Variants in LRBA observed in about 807,000 individuals in gnomAD.
LRBA encodes LPS responsive beige-like anchor protein.
Under a neutral mutation model 330.0 loss-of-function variants are expected in LRBA, and 176 were observed. The ratio of observed to expected loss-of-function variants is 0.53; its 90% CI spans 0.47 to 0.60. LRBA has a LOEUF of 0.60. Among genes scored for constraint, LRBA ranks in the 20% least tolerant of loss-of-function variants. The pLI, the probability that LRBA is intolerant of heterozygous loss-of-function variation, is 0.00. For missense variants in LRBA, 3,259 were observed against 3,444.8 expected (o/e 0.95, Z 1.35); for synonymous variants, 1,230 against 1,193.0 (o/e 1.03, Z -0.64).
chr4:150,985,593 G>A (rs890491337), intron 2 of LRBA, among the ~76,000 whole-genome samples: 2 of 151,552 alleles, frequency 1.3e-5, no homozygotes, highest in Admixed American at 6.6e-5. Flanking sequence ...CCGCCTCCCG[G>A]GTTCACGCCG....
chr4:150,564,731 C>T (rs1451798196), intron 40 of LRBA, among the ~76,000 whole-genome samples: 1 of 152,098 alleles, frequency 6.6e-6, no homozygotes, highest in African/African-American at 2.4e-5. Context: ...AGGATATGAA[C>T]AGACACTTCT....
chr4:150,730,666 G>A (rs1372859267), intron 36 of LRBA, among the ~76,000 whole-genome samples: 3 of 135,016 alleles, frequency 2.2e-5, no homozygotes, highest in African/African-American at 8.6e-5. Context: ...CTGCGTGACA[G>A]AGTGAGGCTC....
chr4:150,778,312 G>C (rs1018313430), intron 34 of LRBA, among the ~76,000 whole-genome samples: 2 of 152,040 alleles, frequency 1.3e-5, no homozygotes, highest in African/African-American at 4.8e-5. Context: ...TTACAGGTCA[G>C]TTAGTAAAGA....
Position 150,589,052 on chromosome 4 carries a change from CACACACACACACACACACACAG to C in LRBA, c.6194-890_6194-869del, listed in dbSNP as rs1245985368. Among the ~76,000 whole-genome samples, 7 of 150,884 alleles carry C rather than the reference CACACACACACACACACACACAG, an allele frequency of 4.6e-5. No individual in the cohort carries two copies. The East Asian group carries it at 1.4e-3, about 29-fold the overall frequency. On this transcript the variant is annotated intron_variant, in intron 39 of 56. Coordinates refer to ENST00000651943, the MANE Select transcript of LRBA (RefSeq NM_001364905.1). Reference sequence around the variant, plus strand: ...GTCTGTGTGTGTATACACACACACACACACACACACACACACACACAGAGAGAGAGAGATCGACGTAGAAAGA... The same window carrying C: ...GTCTGTGTGTGTATACACACACACACAGAGAGAGAGATCGACGTAGAAAGA...
chr4:150,719,314 T>A (rs968259680), intron 36 of LRBA, among the ~76,000 whole-genome samples: 4 of 151,740 alleles, frequency 2.6e-5, no homozygotes, highest in Admixed American at 2.0e-4. Flanking sequence ...ACCACCACAA[T>A]CACTAAATTT....
At chr4:150,941,255 C>T (rs1265737242) in intron 2 of LRBA, among the ~76,000 whole-genome samples, 2 of 152,036 alleles carry the variant, frequency 1.3e-5, no homozygotes, top group Non-Finnish European at 2.9e-5. Flanking sequence ...TGGGTTCAAG[C>T]GATTCTCCTG....
At chr4:150,325,931 G>A (rs188321395) in intron 48 of LRBA, 33 bp from the exon 49 acceptor site, 1 of 1,227,920 alleles carries the variant, frequency 8.1e-7, no homozygotes. Flanking sequence ...TGAAGGTTAA[G>A]AGGTGCTAAT....
intron 40 of LRBA, among the ~76,000 whole-genome samples, chr4:150,507,076 G>C (rs537063247): frequency 7.2e-5 from 11 of 151,856 alleles, no homozygotes; most frequent in African/African-American, 2.7e-4. Flanking sequence ...TGAAATAAAA[G>C]AGGATACAAA....
chr4:150,572,770 G>A (rs1178414293), intron 40 of LRBA, among the ~76,000 whole-genome samples: 2 of 152,116 alleles, frequency 1.3e-5, no homozygotes, highest in Non-Finnish European at 2.9e-5. Context: ...CATACTGTCA[G>A]TGCTGAAGGA....
intron 35 of LRBA, among the ~76,000 whole-genome samples, chr4:150,741,077 A>G (rs1332237087): frequency 6.6e-6 from 1 of 152,124 alleles, no homozygotes; most frequent in Non-Finnish European, 1.5e-5. Context: ...AGAAGATTAC[A>G]TAAGAGAGCA....
intron 53 of LRBA, among the ~76,000 whole-genome samples, chr4:150,299,344 T>G (rs1729362094): frequency 6.6e-6 from 1 of 152,082 alleles, no homozygotes; most frequent in Non-Finnish European, 1.5e-5. Context: ...AGGAGATAAT[T>G]ATTACAAAAC....
At chr4:150,376,336 G>A (rs1741318328) in intron 47 of LRBA, among the ~76,000 whole-genome samples, 1 of 152,150 alleles carries the variant, frequency 6.6e-6, no homozygotes, top group African/African-American at 2.4e-5. Flanking sequence ...ACACTCAGCA[G>A]TGATGAATAA....
Position 150,471,606 on chromosome 4 carries a change from T to A in LRBA, c.6667+18A>T, listed in dbSNP as rs375700554. The stretch of plus-strand genomic sequence containing the variant: ...TAATTTATTGTCTAAAATAAATCAA[T>A]ACATGGAATTAGGTTACCTGCTATC... On this transcript the variant is annotated intron_variant, in intron 43 of 56. Coordinates refer to ENST00000651943, the MANE Select transcript of LRBA (RefSeq NM_001364905.1). 11 of 1,274,530 alleles carry A rather than the reference T, an allele frequency of 8.6e-6. No homozygotes were observed. The highest frequency in any genetic ancestry group is 2.2e-5 in the Admixed American group (1 of 46,390). 79.0% of individuals were successfully genotyped at this position (1,274,530 alleles called of 1,614,324 possible).
At chr4:150,926,897 C>T (rs1259950179) in intron 4 of LRBA, among the ~76,000 whole-genome samples, 3 of 151,568 alleles carry the variant, frequency 2.0e-5, no homozygotes, top group Non-Finnish European at 4.4e-5. Flanking sequence ...ACTGTGAAAC[C>T]CTGTCTCTAC....
Position 150,590,750 on chromosome 4 carries a change from C to T in LRBA, c.6156G>A (p.Leu2052=), listed in dbSNP as rs1299877616. ...CTAAATCTTTCTCATCCACGGATGA[C>T]AGAGTATCATCATCGCCTTCCAGGA... The part of the protein sequence containing the change: ...EILLEGDDDT[L]SSVDEKDLEN... Residue 2052 remains leucine (L), a synonymous_variant, in exon 39 of 57, where the codon CTG becomes CTA. Coordinates refer to ENST00000651943, the MANE Select transcript of LRBA (RefSeq NM_001364905.1). 1.2e-6 allele frequency: 2 copies of T among 1,613,874 alleles called. No individual in the cohort carries two copies. The highest frequency in any genetic ancestry group is 3.3e-5 in the Admixed American group (2 of 59,990).
rs905019640 is a variant in LRBA at position 150,806,277 on chromosome 4, C to T, written c.5512G>A (p.Gly1838Arg). ...ATAAAGAAAAACCACTTACTTGTTCCTTCTATAAGCAGTTCTTGTCCATGG... is the reference window on the plus strand; with the variant it reads ...ATAAAGAAAAACCACTTACTTGTTCTTTCTATAAGCAGTTCTTGTCCATGG... ...GSHGQELLIE[G>R]TSLVCMKSSS... The change falls in exon 33 of 57, where the codon GGA becomes AGA. Residue 1838 changes from glycine to arginine, a missense_variant. Gly to Arg is a moderately radical substitution (Grantham distance 125, BLOSUM62 -2). Transcript: ENST00000651943. 1.1e-5 allele frequency: 18 copies of T among 1,565,932 alleles called. No individual in the cohort carries two copies. Among genetic ancestry groups the T allele is most frequent in the Non-Finnish European group, 1.5e-5 (17 of 1,161,150 alleles).
chr4:150,610,481 C>T (rs560757558), intron 37 of LRBA, among the ~76,000 whole-genome samples: 3 of 152,130 alleles, frequency 2.0e-5, no homozygotes, highest in African/African-American at 4.8e-5. Flanking sequence ...CCCAGCTACA[C>T]GGGAGACTGA....
At chr4:150,774,152 AAAAT>A in intron 34 of LRBA, among the ~76,000 whole-genome samples, 1 of 152,324 alleles carries the variant, frequency 6.6e-6, no homozygotes. Flanking sequence ...TTTAATTAAA[AAAAT>A]AAATCAAAAC....
chr4:150,953,412 CG>C (rs1044506670), intron 2 of LRBA, among the ~76,000 whole-genome samples: 9 of 145,284 alleles, frequency 6.2e-5, no homozygotes, highest in Non-Finnish European at 9.1e-5. Context: ...CCTCTGATGC[CG>C]AGCCAAGGCT....
Sources: allele counts gnomAD v4.1 joint callset (sites outside exome capture counted in the v4.1 genomes callset), GRCh38; gene constraint gnomAD v4.1.1; transcripts MANE v1.5; gene names NCBI Gene and HGNC (gene_info 2026-07-23, HGNC 2026-07-21).